The following PRDM16 variants were observed in gnomAD, a reference collection of about 807,000 sequenced individuals.
PRDM16 encodes the protein PR/SET domain 16.
Under a neutral mutation model 110.6 loss-of-function variants are expected in PRDM16, and 23 were observed. That is an observed-to-expected ratio of 0.21 (90% CI 0.15 to 0.29). The LOEUF (loss-of-function observed/expected upper bound fraction) is 0.29. Among genes scored for constraint, PRDM16 ranks in the 10% least tolerant of loss-of-function variants. The pLI, the probability that PRDM16 is intolerant of heterozygous loss-of-function variation, is 1.00. For synonymous variants in PRDM16, 799 were observed against 781.8 expected, an observed-to-expected ratio of 1.02 and a Z score of -0.37; for missense variants, 1,615 against 1,794.3, an observed-to-expected ratio of 0.90 and a Z score of 1.81.
intron 1 of PRDM16, among the ~76,000 whole-genome samples, chr1:3,146,327 T>C (rs1416933660): frequency 1.3e-5 from 2 of 152,208 alleles, no homozygotes; most frequent in Admixed American, 1.3e-4. Flanking sequence ...CAACTGGGCA[T>C]GGGGATAATC....
intron 1 of PRDM16, among the ~76,000 whole-genome samples, chr1:3,119,921 C>T (rs899090700): frequency 6.6e-6 from 1 of 151,744 alleles, no homozygotes; most frequent in East Asian, 1.9e-4. Context: ...TGCGGCCCCA[C>T]AGCCCCTTCC....
chr1:3,278,125 C>T (rs1437725136), intron 3 of PRDM16, among the ~76,000 whole-genome samples: 1 of 152,178 alleles, frequency 6.6e-6, no homozygotes, highest in Non-Finnish European at 1.5e-5. Flanking sequence ...GCCATTTCCC[C>T]AACCCCACCC....
chr1:3,288,842 G>A (rs769013941), intron 3 of PRDM16, among the ~76,000 whole-genome samples: 30 of 152,294 alleles, frequency 2.0e-4, no homozygotes, highest in Admixed American at 3.3e-4. Flanking sequence ...CAGGGTCCAG[G>A]CTGCCCCTTC....
intron 3 of PRDM16, among the ~76,000 whole-genome samples, chr1:3,362,326 G>A (rs1364869586): frequency 1.8e-5 from 2 of 110,604 alleles, no homozygotes; most frequent in African/African-American, 6.5e-5. Context: ...TCCACCCTCT[G>A]CATGGGACAC....
chr1:3,181,493 T>TACAC (rs1267842919), intron 1 of PRDM16, among the ~76,000 whole-genome samples: 3 of 37,014 alleles, frequency 8.1e-5, no homozygotes, highest in Non-Finnish European at 7.0e-5. Context: ...CACACAGCCT[T>TACAC]ACGCATGGTC....
At chr1:3,398,558 G>A (rs377291693) in intron 5 of PRDM16, among the ~76,000 whole-genome samples, 8 of 152,322 alleles carry the variant, frequency 5.3e-5, no homozygotes, top group East Asian at 1.9e-4. Flanking sequence ...GGAGGCTCTC[G>A]AGCTCCTTTG....
At chr1:3,118,160 C>T (rs1380914014) in intron 1 of PRDM16, among the ~76,000 whole-genome samples, 3 of 151,676 alleles carry the variant, frequency 2.0e-5, no homozygotes, top group East Asian at 2.0e-4. Context: ...CATGCTCATG[C>T]TGTGTGTGTT....
chr1:3,113,584 G>A (rs966071888), intron 1 of PRDM16, among the ~76,000 whole-genome samples: 2 of 152,160 alleles, frequency 1.3e-5, no homozygotes, highest in East Asian at 3.9e-4. Context: ...TGGCCTTGGC[G>A]TCACTGACAC....
At chr1:3,413,457 C>T (rs1450078487) in intron 9 of PRDM16, among the ~76,000 whole-genome samples, 1 of 152,120 alleles carries the variant, frequency 6.6e-6, no homozygotes, top group Non-Finnish European at 1.5e-5. Flanking sequence ...TTTAATGCCA[C>T]TCCCTAATTT....
chr1:3,154,151 T>A (rs1274555658), intron 1 of PRDM16, among the ~76,000 whole-genome samples: 1 of 152,198 alleles, frequency 6.6e-6, no homozygotes, highest in African/African-American at 2.4e-5. Context: ...TGCACCGCTG[T>A]GGCTGTCACC....
At chr1:3,094,698 T>C (rs183125518) in intron 1 of PRDM16, among the ~76,000 whole-genome samples, 177 of 152,348 alleles carry the variant, frequency 1.2e-3, no homozygotes, top group African/African-American at 3.9e-3. Flanking sequence ...CACGCAGACA[T>C]TCTGTGAGCA....
chr1:3,090,833 A>G (rs751769028), intron 1 of PRDM16, among the ~76,000 whole-genome samples: 1 of 151,848 alleles, frequency 6.6e-6, no homozygotes, highest in Non-Finnish European at 1.5e-5. Flanking sequence ...AGCAGCTGAC[A>G]CTCCTGCAGG....
chr1:3,178,900 G>T (rs574741154), intron 1 of PRDM16, among the ~76,000 whole-genome samples: 1 of 152,262 alleles, frequency 6.6e-6, no homozygotes, highest in Admixed American at 6.5e-5. Context: ...GAGCCACAGG[G>T]GCTGAAACCC....
intron 1 of PRDM16, among the ~76,000 whole-genome samples, chr1:3,153,499 C>T (rs1367891726): frequency 1.3e-5 from 2 of 152,182 alleles, no homozygotes; most frequent in Admixed American, 6.5e-5. Flanking sequence ...TGGACCAGAG[C>T]GGGGCTCCCC....
chr1:3,261,937 C>G (rs897835647), intron 3 of PRDM16, among the ~76,000 whole-genome samples: 6 of 152,210 alleles, frequency 3.9e-5, no homozygotes, highest in Admixed American at 3.9e-4. Flanking sequence ...TGTCATCCTA[C>G]CCCCCACCCT....
At chr1:3,211,543 G>A (rs1470198550) in intron 2 of PRDM16, among the ~76,000 whole-genome samples, 1 of 152,212 alleles carries the variant, frequency 6.6e-6, no homozygotes, top group Non-Finnish European at 1.5e-5. Context: ...AAAACAGGTT[G>A]GGTCCAGCTC....
At chr1:3,342,714 G>A (rs1384434252) in intron 3 of PRDM16, among the ~76,000 whole-genome samples, 1 of 152,210 alleles carries the variant, frequency 6.6e-6, no homozygotes, top group Admixed American at 6.5e-5. Flanking sequence ...ACCTGTCTTT[G>A]AACTCCGCAT....
At chr1:3,288,861 G>A (rs546654254) in intron 3 of PRDM16, among the ~76,000 whole-genome samples, 1 of 152,168 alleles carries the variant, frequency 6.6e-6, no homozygotes, top group Non-Finnish European at 1.5e-5. Flanking sequence ...TCTGGGGGAG[G>A]AAGTAGGGCC....
At chr1:3,219,631 C>T (rs79372668) in intron 2 of PRDM16, among the ~76,000 whole-genome samples, 1 of 152,170 alleles carries the variant, frequency 6.6e-6, no homozygotes, top group Non-Finnish European at 1.5e-5. Context: ...CCCAGATCCC[C>T]GCCACAGCTC....
Sources: allele counts gnomAD v4.1 joint callset (sites outside exome capture counted in the v4.1 genomes callset), GRCh38; gene constraint gnomAD v4.1.1; transcripts MANE v1.5; gene names NCBI Gene and HGNC (gene_info 2026-07-23, HGNC 2026-07-21).